The following C12orf54 variants were observed in gnomAD, a reference collection of about 807,000 sequenced individuals.
C12orf54 encodes chromosome 12 open reading frame 54.
A neutral mutation model predicts 26.4 loss-of-function variants in C12orf54; 24 were observed. That is an observed-to-expected ratio of 0.91 (90% CI 0.66 to 1.28). The LOEUF is 1.28. Among genes scored for constraint, C12orf54 ranks in the 50% most tolerant of loss-of-function variants. C12orf54 has a pLI of 0.00. For missense variants in C12orf54, 154 were observed against 150.9 expected (o/e 1.02, Z -0.11); for synonymous variants, 54 against 47.0 (o/e 1.15, Z -0.61).
the C12orf54 span, among the ~76,000 whole-genome samples, chr12:48,421,512 CTTTTTTTTTTTTTT>C: frequency 4.6e-5 from 2 of 43,450 alleles, no homozygotes; most frequent in East Asian, 8.5e-4. Context: ...ATATCATGTG[CTTTTTTTTTTTTTT>C]TTTTTTTTTT....
At chr12:48,495,543 G>C (rs561411621) in intron 8 of C12orf54, 1 of 152,604 alleles carries the variant, frequency 6.6e-6, no homozygotes, top group Non-Finnish European at 1.5e-5. Flanking sequence ...TCACTCTCCT[G>C]CTCCATAGGC....
the C12orf54 span, among the ~76,000 whole-genome samples, chr12:48,434,246 G>A: frequency 6.6e-6 from 1 of 152,214 alleles, no homozygotes; most frequent in African/African-American, 2.4e-5. Flanking sequence ...GGGTTGAGTA[G>A]GTAAACAAAG....
the C12orf54 span, among the ~76,000 whole-genome samples, chr12:48,422,621 C>A: frequency 6.6e-6 from 1 of 151,890 alleles, no homozygotes; most frequent in East Asian, 1.9e-4. Context: ...TTCACAATGG[C>A]AAAAATCTCA....
chr12:48,452,668 C>A, the C12orf54 span, among the ~76,000 whole-genome samples: 1 of 152,064 alleles, frequency 6.6e-6, no homozygotes, highest in Non-Finnish European at 1.5e-5. Context: ...AAAAAACAAA[C>A]AACTCCATTA....
At chr12:48,464,159 AT>A in the C12orf54 span, among the ~76,000 whole-genome samples, 1 of 152,084 alleles carries the variant, frequency 6.6e-6, no homozygotes, top group Non-Finnish European at 1.5e-5. Flanking sequence ...AGATGACATA[AT>A]CCTATATTTA....
intron 4 of C12orf54, chr12:48,487,914 C>A: frequency 1.7e-6 from 1 of 598,788 alleles, no homozygotes; most frequent in South Asian, 2.1e-5. Flanking sequence ...AAGAAACTGC[C>A]AGCCCTGGCC....
the C12orf54 span, among the ~76,000 whole-genome samples, chr12:48,445,868 C>A: frequency 2.6e-4 from 39 of 152,090 alleles, no homozygotes; most frequent in Non-Finnish European, 5.9e-5. Flanking sequence ...GAGGAGCAGA[C>A]CAAAACATCT....
At chr12:48,452,987 G>C in the C12orf54 span, among the ~76,000 whole-genome samples, 1 of 152,110 alleles carries the variant, frequency 6.6e-6, no homozygotes, top group South Asian at 2.1e-4. Flanking sequence ...TCCCATTACT[G>C]AGTATATACC....
chr12:48,447,321 G>C, the C12orf54 span, among the ~76,000 whole-genome samples: 1 of 151,194 alleles, frequency 6.6e-6, no homozygotes, highest in Non-Finnish European at 1.5e-5. Flanking sequence ...CCTTGATCTT[G>C]GACTTCCCAT....
At chr12:48,448,577 AT>A in the C12orf54 span, among the ~76,000 whole-genome samples, 38 of 152,342 alleles carry the variant, frequency 2.5e-4, no homozygotes, top group African/African-American at 8.9e-4. Context: ...AGGATTTTCT[AT>A]GTAGACAAGC....
At chr12:48,481,200 G>GTT (rs71439446), upstream of C12orf54, among the ~76,000 whole-genome samples, 5 of 125,820 alleles carry the variant, frequency 4.0e-5, no homozygotes, top group Non-Finnish European at 6.7e-5. Flanking sequence ...TAAAAATAGA[G>GTT]TTTTTTTTTT....
chr12:48,456,772 AC>A, the C12orf54 span, among the ~76,000 whole-genome samples: 1 of 149,706 alleles, frequency 6.7e-6, no homozygotes, highest in South Asian at 2.1e-4. Flanking sequence ...AGTTGAAAAA[AC>A]TGAACTATCT....
the C12orf54 span, chr12:48,472,604 G>C: frequency 6.3e-7 from 1 of 1,599,038 alleles, no homozygotes; most frequent in African/African-American, 1.3e-5. Flanking sequence ...GCGGTTGTGG[G>C]TTCGGGGTTT....
At chr12:48,489,042 C>T (rs1029649512) in intron 5 of C12orf54, 86 bp downstream of exon 5, 2 of 1,266,788 alleles carry the variant, frequency 1.6e-6, no homozygotes, top group African/African-American at 1.5e-5. Flanking sequence ...TGAGATGTTG[C>T]CTCTGACCAA....
At chr12:48,436,796 G>C in the C12orf54 span, among the ~76,000 whole-genome samples, 1,121 of 152,272 alleles carry the variant, frequency 7.4e-3, 13 homozygotes, top group African/African-American at 0.025. Flanking sequence ...GCCCACAAGA[G>C]AAAGCAGGAA....
In C12orf54 at chr12:48,490,844, A is replaced by G. The variant is rs759440048; in HGVS notation, c.193+8A>G. 1.7e-5 allele frequency: 27 copies of G among 1,613,080 alleles called. No individual in the cohort carries two copies. In the South Asian group the frequency reaches 3.0e-4, roughly 18 times the overall value. ...AAGATGCTCGGATTCGAGGTAAAACAGCACCATTCCAAGGTTTGGAAAAGG... is the reference window on the plus strand; with the variant it reads ...AAGATGCTCGGATTCGAGGTAAAACGGCACCATTCCAAGGTTTGGAAAAGG... On this transcript the variant is annotated splice_region_variant and intron_variant, in intron 6 of 8. Transcript: ENST00000548364.
intron 7 of C12orf54, among the ~76,000 whole-genome samples, chr12:48,493,265 A>C (rs1020549679): frequency 3.9e-5 from 6 of 152,210 alleles, no homozygotes; most frequent in African/African-American, 1.4e-4. Context: ...AAAGTTTCTT[A>C]ATTCAATTGA....
At chr12:48,443,816 A>G in the C12orf54 span, among the ~76,000 whole-genome samples, 2 of 152,162 alleles carry the variant, frequency 1.3e-5, no homozygotes, top group South Asian at 2.1e-4. Flanking sequence ...TACTGACTAC[A>G]CCATTTTGGC....
chr12:48,473,124 G>A, the C12orf54 span: 5 of 1,611,568 alleles, frequency 3.1e-6, no homozygotes, highest in Non-Finnish European at 4.2e-6. Context: ...GGATGACAAG[G>A]AGGCCCCTAA....
Sources: allele counts gnomAD v4.1 joint callset (sites outside exome capture counted in the v4.1 genomes callset), GRCh38; gene constraint gnomAD v4.1.1; transcripts MANE v1.5; gene names NCBI Gene and HGNC (gene_info 2026-07-23, HGNC 2026-07-21).